Variants in SCN2A observed in about 807,000 individuals in gnomAD.
The protein encoded by SCN2A is sodium voltage-gated channel alpha subunit 2.
Under a neutral mutation model 188.7 loss-of-function variants are expected in SCN2A, and 20 were observed. The ratio of observed to expected loss-of-function variants is 0.11; its 90% CI spans 0.07 to 0.15. The LOEUF is 0.15. Among genes scored for constraint, SCN2A ranks in the 10% least tolerant of loss-of-function variants. The probability of loss-of-function intolerance (pLI) is 1.00; values close to 1 mark genes in which losing one functional copy is unlikely to be tolerated. For missense variants in SCN2A, 1,278 were observed against 2,445.0 expected, an observed-to-expected ratio of 0.52 and a Z score of 10.07; for synonymous variants, 804 against 833.1, an observed-to-expected ratio of 0.97 and a Z score of 0.60.
intron 1 of SCN2A, among the ~76,000 whole-genome samples, chr2:165,261,389 GT>G (rs1202033329): frequency 6.6e-6 from 1 of 152,182 alleles, no homozygotes; most frequent in East Asian, 1.9e-4. Flanking sequence ...GTACTACAGA[GT>G]AAATCAACAA....
At position 165,362,553 on chromosome 2, in the gene SCN2A, A is replaced by G. The variant is rs191085316; in HGVS notation, c.3400-2590A>G. 2.0e-3 allele frequency among the ~76,000 whole-genome samples: 309 copies of G among 152,228 alleles called. 1 individual carries two copies. Among genetic ancestry groups the G allele is most frequent in the Non-Finnish European group, 3.5e-3 (238 of 67,940 alleles). ...GCTATTGAAAACAGACAGTGTATCT[A>G]GCAATTCATTCATTCATTCAATACT... On this transcript the variant is annotated intron_variant, in intron 17 of 26. Transcript: ENST00000375437.
At chr2:165,260,296 A>C (rs1353616877) in intron 1 of SCN2A, among the ~76,000 whole-genome samples, 1 of 152,110 alleles carries the variant, frequency 6.6e-6, no homozygotes, top group Non-Finnish European at 1.5e-5. Flanking sequence ...TGATCCATGG[A>C]GTGCGGGCAT....
intron 13 of SCN2A, among the ~76,000 whole-genome samples, chr2:165,329,698 C>A (rs3769944): frequency 0.14 from 21,258 of 151,978 alleles, 1,539 homozygotes; most frequent in Non-Finnish European, 0.15. Context: ...AGTATACAGA[C>A]AAAATTAAAT....
chr2:165,289,354 G>T (rs1323533234), intron 1 of SCN2A, among the ~76,000 whole-genome samples: 1 of 151,780 alleles, frequency 6.6e-6, no homozygotes, highest in Non-Finnish European at 1.5e-5. Context: ...AAAACTAAAG[G>T]AAAAGAGTAT....
At chr2:165,350,464 CTTTTTTTTTTT>C (rs71028479) in intron 16 of SCN2A, among the ~76,000 whole-genome samples, 5,513 of 73,814 alleles carry the variant, frequency 0.075, 263 homozygotes, top group East Asian at 0.17. Flanking sequence ...TGTTTTCTTT[CTTTTTTTTTTT>C]TTTTTTTTTT....
chr2:165,246,598 A>C (rs1693857487), intron 1 of SCN2A, among the ~76,000 whole-genome samples: 1 of 152,148 alleles, frequency 6.6e-6, no homozygotes, highest in Admixed American at 6.5e-5. Context: ...GATAAATTCC[A>C]CAGTTATTCA....
chr2:165,375,797 A>G (rs1021131311), intron 22 of SCN2A, among the ~76,000 whole-genome samples: 1 of 151,786 alleles, frequency 6.6e-6, no homozygotes, highest in African/African-American at 2.4e-5. Context: ...TATTGGATGT[A>G]TATATATGTG....
intron 14 of SCN2A, among the ~76,000 whole-genome samples, chr2:165,340,802 A>G (rs1439360495): frequency 6.6e-6 from 1 of 152,196 alleles, no homozygotes; most frequent in Non-Finnish European, 1.5e-5. Context: ...ATTTCAATGA[A>G]CAAGGAACAG....
chr2:165,291,483 TTTCTTTCTTTTC>T (rs752870816), intron 1 of SCN2A, among the ~76,000 whole-genome samples: 2,776 of 61,854 alleles, frequency 0.045, 54 homozygotes, highest in Middle Eastern at 0.077. Context: ...TCTTTCTTTC[TTTCTTTCTTTTC>T]TTTCTTTCTT....
At chr2:165,259,947 T>G (rs1446729200) in intron 1 of SCN2A, among the ~76,000 whole-genome samples, 3 of 145,390 alleles carry the variant, frequency 2.1e-5, no homozygotes, top group Non-Finnish European at 4.5e-5. Context: ...TTTTTTTTTT[T>G]TTTTTTTTTG....
intron 1 of SCN2A, among the ~76,000 whole-genome samples, chr2:165,276,787 C>G (rs1361950201): frequency 3.9e-5 from 6 of 152,210 alleles, no homozygotes; most frequent in Non-Finnish European, 8.8e-5. Flanking sequence ...AGGAATCAGT[C>G]TCAATCACTC....
intron 1 of SCN2A, among the ~76,000 whole-genome samples, chr2:165,249,230 T>C (rs979773872): frequency 2.0e-5 from 3 of 152,122 alleles, no homozygotes; most frequent in Admixed American, 6.6e-5. Flanking sequence ...GTTTTAGTCA[T>C]AGGATGAGCA....
chr2:165,308,881 C>G (rs775982926), intron 5 of SCN2A, 87 bp downstream of exon 5: 25 of 1,493,420 alleles, frequency 1.7e-5, no homozygotes, highest in Non-Finnish European at 2.3e-5. Flanking sequence ...CTTGCCTTGA[C>G]AGACCAAGCA....
intron 17 of SCN2A, among the ~76,000 whole-genome samples, chr2:165,364,554 T>C (rs551679467): frequency 6.6e-6 from 1 of 152,312 alleles, no homozygotes; most frequent in African/African-American, 2.4e-5. Flanking sequence ...CCAAAGAGAA[T>C]GCAAAATATC....
At position 165,358,711 on chromosome 2, in the gene SCN2A, A is replaced by G. The variant is rs114411665; in HGVS notation, c.3399+4040A>G. 7.8e-3 allele frequency among the ~76,000 whole-genome samples: 1,179 copies of G among 151,972 alleles called. 22 individuals are homozygous for G. The highest frequency in any genetic ancestry group is 0.027 in the African/African-American group (1,126 of 41,472). On this transcript the variant is annotated intron_variant, in intron 17 of 26. Coordinates refer to ENST00000375437, the MANE Select transcript of SCN2A (RefSeq NM_001040142.2). The stretch of plus-strand genomic sequence containing the variant: ...CTGTGCTTTCTCTCCCCTCTATTTT[A>G]TTGAGACCTGCTGGAAAACTTTCTC...
intron 11 of SCN2A, 33 bp downstream of exon 11, chr2:165,315,791 C>T (rs1353561794): frequency 1.9e-6 from 3 of 1,600,468 alleles, no homozygotes; most frequent in East Asian, 2.2e-5. Context: ...ATTGTGTTCT[C>T]ATAAATTTTT....
In SCN2A at chr2:165,374,923, A is replaced by G; in HGVS notation, c.4211A>G (p.Asn1404Ser). The stretch of plus-strand genomic sequence containing the variant: ...GCCAGGTGGAAAAATGTGAAAGTAA[A>G]CTTTGATAACGTAGGACTTGGATAT... ...QTARWKNVKV[N>S]FDNVGLGYLS... is the part of the protein sequence containing the mutation. Residue 1404 changes from asparagine to serine, a missense_variant, in exon 22 of 27, where the codon AAC (asparagine) becomes AGC (serine). Around this residue, in one of 17 missense-constraint regions of SCN2A, gnomAD observed 97 missense variants for 266.1 expected, o/e 0.36. Transcript: ENST00000375437. 10 of 1,613,410 alleles carry G rather than the reference A, an allele frequency of 6.2e-6. No individual in the cohort carries two copies. The highest frequency in any genetic ancestry group is 8.5e-6 in the Non-Finnish European group (10 of 1,179,566).
At chr2:165,330,150 C>G (rs1263105054) in intron 13 of SCN2A, among the ~76,000 whole-genome samples, 1 of 152,128 alleles carries the variant, frequency 6.6e-6, no homozygotes, top group Non-Finnish European at 1.5e-5. Flanking sequence ...GACAGATGTT[C>G]CAGTTGCCAC....
intron 14 of SCN2A, among the ~76,000 whole-genome samples, chr2:165,333,168 GTAAA>G (rs1162725739): frequency 2.6e-5 from 4 of 151,992 alleles, no homozygotes; most frequent in African/African-American, 9.7e-5. Context: ...TGGAGGCAGA[GTAAA>G]TGAGTGAAAT....
Sources: gnomAD v4.1 joint callset for allele counts (sites outside exome capture counted in the v4.1 genomes callset) on GRCh38, gnomAD v4.1.1 for gene constraint, gnomAD v4.1.1 regional missense constraint, MANE v1.5 for transcripts, NCBI Gene and HGNC (gene_info 2026-07-23, HGNC 2026-07-21) for gene names.